Variants in GALNT17 observed in about 807,000 individuals in gnomAD.
GALNT17 encodes polypeptide N-acetylgalactosaminyltransferase 17.
Under a neutral mutation model 63.7 loss-of-function variants are expected in GALNT17, and 29 were observed. The observed-to-expected ratio is 0.46, with a 90% CI of 0.34 to 0.62. GALNT17 has a LOEUF of 0.62. Among genes scored for constraint, GALNT17 ranks in the 20% least tolerant of loss-of-function variants. The pLI is 0.01. For missense variants in GALNT17, 603 were observed against 799.6 expected (o/e 0.75, Z 2.97); for synonymous variants, 305 against 318.3 (o/e 0.96, Z 0.45).
At chr7:71,547,467 G>A (rs1056361137) in intron 5 of GALNT17, among the ~76,000 whole-genome samples, 1 of 151,984 alleles carries the variant, frequency 6.6e-6, no homozygotes, top group Non-Finnish European at 1.5e-5. Context: ...CTAATTTTTA[G>A]TAGAAATAGG....
intron 6 of GALNT17, among the ~76,000 whole-genome samples, chr7:71,657,990 G>T (rs937911821): frequency 2.6e-5 from 4 of 152,118 alleles, no homozygotes; most frequent in African/African-American, 9.7e-5. Flanking sequence ...CCGCAGCCTT[G>T]AATTCATGGG....
intron 6 of GALNT17, among the ~76,000 whole-genome samples, chr7:71,636,935 G>A (rs1790535595): frequency 1.3e-5 from 2 of 152,138 alleles, no homozygotes; most frequent in African/African-American, 4.8e-5. Flanking sequence ...AGCAAAAATA[G>A]AGGAGTAGTG....
At chr7:71,177,644 G>A (rs1354330234) in intron 1 of GALNT17, among the ~76,000 whole-genome samples, 1 of 152,080 alleles carries the variant, frequency 6.6e-6, no homozygotes, top group Non-Finnish European at 1.5e-5. Context: ...TGGAAAAGAC[G>A]TTCCAGTTAG....
intron 1 of GALNT17, among the ~76,000 whole-genome samples, chr7:71,202,343 A>G (rs759381517): frequency 6.6e-6 from 1 of 152,220 alleles, no homozygotes; most frequent in African/African-American, 2.4e-5. Context: ...ACAGTCATCC[A>G]TAACAGTTTT....
chr7:71,494,486 C>T (rs2116681592), intron 5 of GALNT17, among the ~76,000 whole-genome samples: 1 of 152,240 alleles, frequency 6.6e-6, no homozygotes, highest in East Asian at 1.9e-4. Context: ...GCTGGGACTA[C>T]AGGTGTGCAC....
rs202215580 is a variant in GALNT17, at chr7:71,388,325, C to T, written c.513C>T (p.Ser171=). ...AGGCCCTGTCGGTGATCCTGCGGTC[C>T]GTGCACAGTGCCGTCAATCACACGC... ...VNEALSVILR[S]VHSAVNHTPT... Residue 171 remains serine, a synonymous_variant, in exon 3 of 11, where the codon TCC becomes TCT. Transcript: ENST00000333538. 35 of 1,613,892 alleles carry T rather than the reference C, an allele frequency of 2.2e-5. No homozygotes were observed. The Admixed American group carries it at 5.0e-4, about 23-fold the overall frequency.
intron 6 of GALNT17, among the ~76,000 whole-genome samples, chr7:71,587,727 G>GA (rs148136447): frequency 0.019 from 2,819 of 151,474 alleles, 93 homozygotes; most frequent in African/African-American, 0.064. Context: ...CACTAATAAA[G>GA]AAAAAATGAT....
chr7:71,169,245 T>TG (rs1193949109), intron 1 of GALNT17, among the ~76,000 whole-genome samples: 2 of 152,140 alleles, frequency 1.3e-5, no homozygotes, highest in East Asian at 3.9e-4. Flanking sequence ...TCGATCTCCT[T>TG]GCAATCCTCA....
chr7:71,528,324 C>T (rs1321740510), intron 5 of GALNT17, among the ~76,000 whole-genome samples: 1 of 152,120 alleles, frequency 6.6e-6, no homozygotes, highest in Admixed American at 6.5e-5. Context: ...TAGATATGGC[C>T]AGGGCTCCAA....
chr7:71,268,696 G>A (rs1208932985), intron 1 of GALNT17, among the ~76,000 whole-genome samples: 4 of 152,134 alleles, frequency 2.6e-5, no homozygotes, highest in East Asian at 1.9e-4. Context: ...CTTCATAGGC[G>A]AGAGCAGGGT....
At position 71,420,053 on chromosome 7, in the gene GALNT17, G is replaced by C. The variant is rs752244452; in HGVS notation, c.765-855G>C. On this transcript the variant is annotated intron_variant, in intron 4 of 10. Transcript: ENST00000333538. ...GACTCTGTTCCAAAGCCTGCATTCT[G>C]TTATAAGCTGGGAGATTAATGCCCT... is the stretch of plus-strand genomic sequence containing the variant. Among the ~76,000 whole-genome samples the C allele has an allele frequency of 3.4e-4, 51 of 152,194 alleles. 1 individual carries two copies. The highest frequency in any genetic ancestry group is 8.8e-5 in the Non-Finnish European group (6 of 68,042).
In GALNT17 at chr7:71,367,341, C is replaced by T. The variant is rs184921388; in HGVS notation, c.423-20894C>T. ...CCAAAAAACATATAGGTGGAAACCC[C>T]AAATCCCAAGCGCTGGCCATGGGTT... On this transcript the variant is annotated intron_variant, in intron 2 of 10. Transcript: ENST00000333538. 1.5e-3 allele frequency among the ~76,000 whole-genome samples: 234 copies of T among 152,254 alleles called. 1 individual carries two copies. Among genetic ancestry groups the T allele is most frequent in the African/African-American group, 5.5e-3 (227 of 41,552 alleles).
At chr7:71,315,494 T>A (rs185544284) in intron 1 of GALNT17, among the ~76,000 whole-genome samples, 1 of 152,186 alleles carries the variant, frequency 6.6e-6, no homozygotes, top group Admixed American at 6.5e-5. Context: ...CCATCAACAA[T>A]GTACAAGAGA....
intron 2 of GALNT17, among the ~76,000 whole-genome samples, chr7:71,349,118 C>T (rs1215044995): frequency 6.6e-6 from 1 of 152,236 alleles, no homozygotes; most frequent in Non-Finnish European, 1.5e-5. Flanking sequence ...TCAATAGAGG[C>T]AAATGCCTTT....
chr7:71,626,035 G>C (rs1220147387), intron 6 of GALNT17, among the ~76,000 whole-genome samples: 2 of 152,114 alleles, frequency 1.3e-5, no homozygotes, highest in Admixed American at 1.3e-4. Context: ...CACAAGGTCA[G>C]GAGAGCGAGA....
At chr7:71,362,959 TTC>T (rs1178062753) in intron 2 of GALNT17, among the ~76,000 whole-genome samples, 1 of 151,922 alleles carries the variant, frequency 6.6e-6, no homozygotes, top group Non-Finnish European at 1.5e-5. Flanking sequence ...TTCCATTTCT[TTC>T]TTTCTTTCTT....
At chr7:71,522,513 G>A (rs755392160) in intron 5 of GALNT17, among the ~76,000 whole-genome samples, 6 of 152,254 alleles carry the variant, frequency 3.9e-5, no homozygotes, top group Admixed American at 1.3e-4. Context: ...TGCAAAACAG[G>A]TTTCCCCTTA....
chr7:71,539,177 A>G (rs1408318467), intron 5 of GALNT17, among the ~76,000 whole-genome samples: 1 of 151,920 alleles, frequency 6.6e-6, no homozygotes, highest in Admixed American at 6.6e-5. Flanking sequence ...AGTGATCTGC[A>G]CCTCTTGGCC....
chr7:71,484,654 A>G (rs938387858), intron 5 of GALNT17, among the ~76,000 whole-genome samples: 1 of 152,094 alleles, frequency 6.6e-6, no homozygotes, highest in Non-Finnish European at 1.5e-5. Context: ...GCTACATTAT[A>G]ATCCTGTGGG....
Sources: gnomAD v4.1 joint callset for allele counts (sites outside exome capture counted in the v4.1 genomes callset) on GRCh38, gnomAD v4.1.1 for gene constraint, MANE v1.5 for transcripts, NCBI Gene and HGNC (gene_info 2026-07-23, HGNC 2026-07-21) for gene names.